SHC2: variants seen among roughly 807,000 people sequenced by gnomAD.
SHC2 encodes SHC adaptor protein 2.
Under a neutral mutation model 60.6 loss-of-function variants are expected in SHC2, and 62 were observed. That is an observed-to-expected ratio of 1.02 (90% confidence interval 0.83 to 1.26). SHC2 has a LOEUF of 1.26. Among genes scored for constraint, SHC2 ranks in the 50% most tolerant of loss-of-function variants. The pLI, the probability that SHC2 is intolerant of heterozygous loss-of-function variation, is 0.00. For synonymous variants in SHC2, 375 were observed against 372.4 expected (o/e 1.01, Z -0.08); for missense variants, 873 against 822.2 (o/e 1.06, Z -0.76).
At chr19:458,821 G>T (rs924762216) in intron 1 of SHC2, among the ~76,000 whole-genome samples, 1 of 150,634 alleles carries the variant, frequency 6.6e-6, no homozygotes, top group African/African-American at 2.4e-5. Context: ...AGCGGGTCTT[G>T]GGGAGGCGGA....
chr19:425,352 G>A lies in SHC2; in HGVS notation c.1175-121C>T, dbSNP rs575446318. The A allele has an allele frequency of 9.0e-5, 75 of 836,356 alleles. No individual in the cohort carries two copies. The South Asian group carries it at 2.9e-3, about 32-fold the overall frequency. 51.8% of individuals were successfully genotyped at this position (836,356 alleles called of 1,614,324 possible). A position where few individuals can be genotyped will look rare whatever the true frequency, so the allele number is the denominator to read the frequency against. ...CCACCTGTGCTGCTGGCTGCAGGGCGGATGCTGCTCTGGTCTCCCTGTGGT... is the reference window on the plus strand; with the variant it reads ...CCACCTGTGCTGCTGGCTGCAGGGCAGATGCTGCTCTGGTCTCCCTGTGGT... On this transcript the variant is annotated intron_variant, in intron 9 of 12. Coordinates refer to ENST00000264554, the MANE Select transcript of SHC2 (RefSeq NM_012435.3). This position sits in a 1 kb window ranked among gnomAD's most constrained non-coding sequence, Gnocchi z 4.1.
At chr19:447,446 T>G (rs1975078424) in intron 1 of SHC2, among the ~76,000 whole-genome samples, 2 of 152,168 alleles carry the variant, frequency 1.3e-5, no homozygotes, top group African/African-American at 4.8e-5. Context: ...GTTTAAACAG[T>G]TGGGATTAGG....
At chr19:442,484 T>C (rs1378912232) in intron 1 of SHC2, among the ~76,000 whole-genome samples, 2 of 102,162 alleles carry the variant, frequency 2.0e-5, no homozygotes, top group Non-Finnish European at 3.7e-5. Flanking sequence ...GGTGGGTGGA[T>C]GGGTGGATGG....
intron 9 of SHC2, among the ~76,000 whole-genome samples, chr19:427,319 G>A (rs941455521): frequency 6.6e-6 from 1 of 152,234 alleles, no homozygotes; most frequent in African/African-American, 2.4e-5. Context: ...GATTAAGGCC[G>A]GCGCTCCGTG....
Position 460,960 on chromosome 19 carries a change from G to T in SHC2, c.37C>A (p.Pro13Thr), listed in dbSNP as rs1975538994. 1 of 984,462 alleles carries T rather than the reference G, an allele frequency of 1.0e-6. No homozygotes were observed. Among genetic ancestry groups the T allele is most frequent in the South Asian group, 4.5e-5 (1 of 22,046 alleles). 61.0% of individuals were successfully genotyped at this position (984,462 alleles called of 1,614,324 possible). A position where few individuals can be genotyped will look rare whatever the true frequency, so the allele number is the denominator to read the frequency against. ...QGPGGRAPPA[P>T]PAPPEPEAPT... ...GCCTCGGGCTCGGGGGGCGCGGGGG[G>T]CGCCGGGGGCGCGCGCCCGCCCGGA... is the stretch of plus-strand genomic sequence containing the variant. The change falls in exon 1 of 13, where the codon CCC becomes ACC. Residue 13 changes from proline (P) to threonine (T), a missense_variant. Transcript: ENST00000264554.
In SHC2 at chr19:438,773, A is replaced by ATGCTCATGCCGGCAAAGCGAAGGT; in HGVS notation, c.641_664dup (p.Asn214_Ser221dup). 1.3e-6 allele frequency: 2 copies of ATGCTCATGCCGGCAAAGCGAAGGT among 1,575,204 alleles called. No homozygotes were observed. The highest frequency in any genetic ancestry group is 2.3e-5 in the South Asian group (2 of 85,536). On this transcript the variant is annotated inframe_insertion, in exon 4 of 13. Coordinates refer to ENST00000264554, the MANE Select transcript of SHC2 (RefSeq NM_012435.3). The surrounding 1 kb of genome is among the most constrained non-coding windows in gnomAD (Gnocchi z 5.0). ...GCCATCAGTGGAGATGTGGATGGAG[A>ATGCTCATGCCGGCAAAGCGAAGGT]TGCTCATGCCGGCAAAGCGAAGGTT...
chr19:422,237 C>G lies in SHC2; in HGVS notation c.1529G>C (p.Arg510Pro). ...CTGCCCGGGGTTGGTGACGCTGTCT[C>G]GCACAAGGAAGTCCCCGTCAGCTCG... ...MLRADGDFLV[R>P]DSVTNPGQYV... is the part of the protein sequence containing the mutation. Residue 510 changes from arginine (R) to proline (P), a missense_variant, in exon 11 of 13, where the codon CGA becomes CCA. By Grantham distance (103) the Arg-to-Pro change is moderately radical (BLOSUM62 -2). Coordinates refer to ENST00000264554, the MANE Select transcript of SHC2 (RefSeq NM_012435.3). The surrounding 1 kb of genome is among the most constrained non-coding windows in gnomAD (Gnocchi z 5.0). 3.1e-6 allele frequency: 5 copies of G among 1,612,452 alleles called. No homozygotes were observed. Among genetic ancestry groups the G allele is most frequent in the Non-Finnish European group, 4.2e-6 (5 of 1,179,634 alleles).
At chr19:430,450 C>T (rs142741493) in intron 9 of SHC2, among the ~76,000 whole-genome samples, 1 of 152,200 alleles carries the variant, frequency 6.6e-6, no homozygotes, top group African/African-American at 2.4e-5. Flanking sequence ...GCACGGAAAC[C>T]TAATACCGTG....
At chr19:451,476 G>A (rs1182650355) in intron 1 of SHC2, among the ~76,000 whole-genome samples, 2 of 152,272 alleles carry the variant, frequency 1.3e-5, no homozygotes, top group Non-Finnish European at 2.9e-5. Flanking sequence ...GCTGCTGGGA[G>A]TTATGCTGCT....
At chr19:420,656 G>A (rs1974246594) in intron 11 of SHC2, among the ~76,000 whole-genome samples, 1 of 152,174 alleles carries the variant, frequency 6.6e-6, no homozygotes, top group Non-Finnish European at 1.5e-5. Context: ...AAACCTCCCT[G>A]TAAAATAATG....
rs765722942 is a variant in SHC2, at chr19:445,757, G to A, written c.469-4825C>T. 1.6e-4 allele frequency among the ~76,000 whole-genome samples: 25 copies of A among 152,158 alleles called. No homozygotes were observed. The highest frequency in any genetic ancestry group is 1.0e-3 in the South Asian group (5 of 4,814). On this transcript the variant is annotated intron_variant, in intron 1 of 12. Transcript: ENST00000264554. This position sits in a 1 kb window ranked among gnomAD's most constrained non-coding sequence, Gnocchi z 4.4. ...TGTCTTAAAAAACACATTTTTGCCG[G>A]GCGCGGTGGCTCACGCCTGTAATCC...
In SHC2 at chr19:434,709, C is replaced by T. The variant is rs780893345; in HGVS notation, c.1110G>A (p.Gln370=). Residue 370 remains glutamine (Q), a splice_region_variant and synonymous_variant, in exon 8 of 13, where the codon CAG becomes CAA. Coordinates refer to ENST00000264554, the MANE Select transcript of SHC2 (RefSeq NM_012435.3). ...CATCCCCCCGAGGGCAGAGGCTGAC[C>T]TGGTCGAGGGCCGTGAGGGCGCAGG... ...TQPCALTALD[Q]GPSPSLRDAC... The T allele has an allele frequency of 1.2e-6, 2 of 1,609,014 alleles. No homozygotes were observed. The highest frequency in any genetic ancestry group is 1.7e-6 in the Non-Finnish European group (2 of 1,178,490).
Position 416,713 on chromosome 19 carries a change from C to T in SHC2, c.*615G>A, listed in dbSNP as rs1233906975. The T allele has an allele frequency of 6.6e-6, 1 of 152,268 alleles. No individual in the cohort carries two copies. The highest frequency in any genetic ancestry group is 1.5e-5 in the Non-Finnish European group (1 of 68,074). The allele number at this position is 152,268 out of a possible 1,614,324, so 9.4% of individuals were successfully genotyped here. ...CCCAGGCCAGGCAACCACGTCCTTC[C>T]CCTGCTCCCAGGTGGAGTAGGGGCC... is the stretch of plus-strand genomic sequence containing the variant. On this transcript the variant is annotated 3_prime_UTR_variant, in exon 13 of 13. Coordinates refer to ENST00000264554, the MANE Select transcript of SHC2 (RefSeq NM_012435.3).
intron 1 of SHC2, among the ~76,000 whole-genome samples, chr19:449,484 G>C (rs1263467240): frequency 6.6e-6 from 1 of 152,228 alleles, no homozygotes; most frequent in Admixed American, 6.5e-5. Context: ...TCGCAGGATT[G>C]TAACGGTACA....
intron 1 of SHC2, among the ~76,000 whole-genome samples, chr19:454,861 G>A (rs1975297719): frequency 6.6e-6 from 1 of 152,134 alleles, no homozygotes; most frequent in African/African-American, 2.4e-5. Flanking sequence ...CCCCTCTGGA[G>A]GCAGCAGGGG....
intron 9 of SHC2, among the ~76,000 whole-genome samples, chr19:429,767 T>C (rs1332494132): frequency 3.4e-5 from 5 of 148,302 alleles, no homozygotes; most frequent in Non-Finnish European, 7.4e-5. Flanking sequence ...CCTAACACCG[T>C]GTGGATGACG....
chr19:438,846 G>T lies in SHC2; in HGVS notation c.601-9C>A. 1 of 1,563,120 alleles carries T rather than the reference G, an allele frequency of 6.4e-7. No homozygotes were observed. The highest frequency in any genetic ancestry group is 2.4e-5 in the East Asian group (1 of 41,738). ...AGGGCCTTGTTGGGGGCCTGAGTTG[G>T]GGGCGGAGCACAGCGAGGGCGGCTG... On this transcript the variant is annotated splice_polypyrimidine_tract_variant and intron_variant, in intron 3 of 12. Transcript: ENST00000264554. The surrounding 1 kb of genome is among the most constrained non-coding windows in gnomAD (Gnocchi z 5.0).
chr19:427,474 C>T (rs1262719073), intron 9 of SHC2, among the ~76,000 whole-genome samples: 1 of 151,000 alleles, frequency 6.6e-6, no homozygotes, highest in Non-Finnish European at 1.5e-5. Flanking sequence ...GCACACGGCA[C>T]AGGGAAGGGG....
intron 1 of SHC2, among the ~76,000 whole-genome samples, chr19:444,459 G>T (rs950129429): frequency 6.6e-6 from 1 of 152,128 alleles, no homozygotes; most frequent in Non-Finnish European, 1.5e-5. Flanking sequence ...CACTCCGGTT[G>T]TGCGGCTGAA....
Sources: allele counts gnomAD v4.1 joint callset (sites outside exome capture counted in the v4.1 genomes callset), GRCh38; gene constraint gnomAD v4.1.1; non-coding constraint Gnocchi (gnomAD v3.1); transcripts MANE v1.5; gene names NCBI Gene and HGNC (gene_info 2026-07-23, HGNC 2026-07-21).